ADGRB3: variants seen among roughly 807,000 people sequenced by gnomAD.
ADGRB3 encodes brain-specific angiogenesis inhibitor 3.
In ADGRB3, 37 loss-of-function variants were observed where a neutral mutation model predicts 193.4. That is an observed-to-expected ratio of 0.19 (90% CI 0.15 to 0.25). The LOEUF (loss-of-function observed/expected upper bound fraction) is 0.25. Among genes scored for constraint, ADGRB3 ranks in the 10% least tolerant of loss-of-function variants. The pLI, the probability that ADGRB3 is intolerant of heterozygous loss-of-function variation, is 1.00. For synonymous variants in ADGRB3, 690 were observed against 644.2 expected, an observed-to-expected ratio of 1.07 and a Z score of -1.08; for missense variants, 1,637 against 1,852.9, an observed-to-expected ratio of 0.88 and a Z score of 2.14.
chr6:69,348,563 T>C (rs1313386513), intron 26 of ADGRB3, among the ~76,000 whole-genome samples: 1 of 150,982 alleles, frequency 6.6e-6, no homozygotes, highest in African/African-American at 2.4e-5. Flanking sequence ...CTCATGAGGC[T>C]GTGGCAGAGA....
At position 69,219,487 on chromosome 6, in the gene ADGRB3, A is replaced by ATATATATATATG. The variant is rs1455210313; in HGVS notation, c.2481-13797_2481-13796insTATATGTATATA. Among the ~76,000 whole-genome samples the ATATATATATATG allele has an allele frequency of 2.8e-3, 396 of 140,520 alleles. 3 individuals are homozygous for ATATATATATATG. The highest frequency in any genetic ancestry group is 4.6e-3 in the Non-Finnish European group (297 of 64,006). The allele number at this position is 140,520 out of a possible 152,430, so 92.2% of individuals were successfully genotyped here. A position where few individuals can be genotyped will look rare whatever the true frequency, so the allele number is the denominator to read the frequency against. On this transcript the variant is annotated intron_variant, in intron 17 of 31. Transcript: ENST00000370598. ...TATATATATATATATATATATATATATATATACGTGTGTGTGTATATAGGT... is the reference window on the plus strand; with the variant it reads ...TATATATATATATATATATATATATATATATATATATGTATATACGTGTGTGTGTATATAGGT...
chr6:69,042,914 C>T (rs1771113812), intron 13 of ADGRB3, among the ~76,000 whole-genome samples: 1 of 152,116 alleles, frequency 6.6e-6, no homozygotes, highest in Admixed American at 6.5e-5. Context: ...TTTTGTATCC[C>T]CTTCAACATT....
intron 3 of ADGRB3, among the ~76,000 whole-genome samples, chr6:68,729,985 G>GAA (rs1385556366): frequency 5.3e-5 from 8 of 151,380 alleles, no homozygotes; most frequent in African/African-American, 1.9e-4. Context: ...AAGGATGCTT[G>GAA]AAAAAAATAG....
intron 17 of ADGRB3, among the ~76,000 whole-genome samples, chr6:69,215,291 G>A (rs1275913609): frequency 6.6e-6 from 1 of 152,124 alleles, no homozygotes; most frequent in Non-Finnish European, 1.5e-5. Context: ...CATAGAAGAA[G>A]AGCTGAGTGA....
At chr6:69,066,197 T>C (rs961199723) in intron 16 of ADGRB3, among the ~76,000 whole-genome samples, 1 of 151,300 alleles carries the variant, frequency 6.6e-6, no homozygotes, top group African/African-American at 2.4e-5. Flanking sequence ...TATATAGTTA[T>C]ATATATGCAT....
At chr6:69,096,221 G>T (rs1213450968) in intron 17 of ADGRB3, among the ~76,000 whole-genome samples, 1 of 151,972 alleles carries the variant, frequency 6.6e-6, no homozygotes, top group African/African-American at 2.4e-5. Context: ...ATATTCAAAG[G>T]TTTAAAATTT....
intron 3 of ADGRB3, among the ~76,000 whole-genome samples, chr6:68,788,922 C>G (rs1428158889): frequency 7.9e-5 from 12 of 152,140 alleles, no homozygotes; most frequent in Admixed American, 7.2e-4. Flanking sequence ...CCTTCTTTGT[C>G]TCTTTTGAAC....
Position 68,772,853 on chromosome 6 carries a change from A to G in ADGRB3, c.757+133421A>G, listed in dbSNP as rs557663919. On this transcript the variant is annotated intron_variant, in intron 3 of 31. Transcript: ENST00000370598. The stretch of plus-strand genomic sequence containing the variant: ...GGCAACATGGTGAAAACCTATTTCT[A>G]AAAACAAACAAACAAACAAACAAAC... Among the ~76,000 whole-genome samples the G allele has an allele frequency of 4.4e-3, 312 of 71,636 alleles. 5 individuals carry two copies. Among genetic ancestry groups the G allele is most frequent in the African/African-American group, 0.016 (308 of 18,900 alleles). 47.0% of individuals were successfully genotyped at this position (71,636 alleles called of 152,430 possible). A position where few individuals can be genotyped will look rare whatever the true frequency, so the allele number is the denominator to read the frequency against.
At chr6:68,752,782 G>C (rs1388581176) in intron 3 of ADGRB3, among the ~76,000 whole-genome samples, 1 of 152,072 alleles carries the variant, frequency 6.6e-6, no homozygotes, top group Non-Finnish European at 1.5e-5. Flanking sequence ...TTACATATTT[G>C]GTTAAATGTT....
intron 17 of ADGRB3, among the ~76,000 whole-genome samples, chr6:69,089,518 T>C (rs984643529): frequency 1.2e-4 from 19 of 152,330 alleles, no homozygotes; most frequent in Non-Finnish European, 2.1e-4. Context: ...TAGGGTTAAG[T>C]AAATTATTGA....
chr6:69,096,111 A>T (rs1464208982), intron 17 of ADGRB3, among the ~76,000 whole-genome samples: 1 of 152,210 alleles, frequency 6.6e-6, no homozygotes, highest in Admixed American at 6.5e-5. Context: ...GGAACTTTGA[A>T]AATAATTCAG....
chr6:68,901,293 C>A lies in ADGRB3; in HGVS notation c.758-29266C>A, dbSNP rs188653199. 7.6e-3 allele frequency among the ~76,000 whole-genome samples: 1,154 copies of A among 152,230 alleles called. 14 individuals are homozygous for A. Among genetic ancestry groups the A allele is most frequent in the Middle Eastern group, 0.014 (4 of 294 alleles). On this transcript the variant is annotated intron_variant, in intron 3 of 31. Transcript: ENST00000370598. ...CCAGGCACACTCATGTTGTTATATG[C>A]AGGCCCTGGCTCCTTGCAACATGGG...
At chr6:69,154,154 A>G (rs1774764664) in intron 17 of ADGRB3, among the ~76,000 whole-genome samples, 1 of 14,318 alleles carries the variant, frequency 7.0e-5, no homozygotes, top group South Asian at 0.17. Flanking sequence ...TCCTCTGCCC[A>G]CAATTTCAGC....
rs920753602 is a variant in ADGRB3 at position 69,360,345 on chromosome 6, C to T, written c.3596-524C>T. Among the ~76,000 whole-genome samples, 4 of 151,948 alleles carry T rather than the reference C, an allele frequency of 2.6e-5. No individual in the cohort carries two copies. In the Admixed American group the frequency reaches 2.6e-4, roughly 10 times the overall value. ...CAGTGAAAAAATCCTCATTAATTTT[C>T]AATATGCATAATTTTTGGAGGGATT... On this transcript the variant is annotated intron_variant, in intron 28 of 31. Coordinates refer to ENST00000370598, the MANE Select transcript of ADGRB3 (RefSeq NM_001704.3).
chr6:68,895,739 T>G (rs1398428435), intron 3 of ADGRB3, among the ~76,000 whole-genome samples: 1 of 151,906 alleles, frequency 6.6e-6, no homozygotes, highest in Non-Finnish European at 1.5e-5. Flanking sequence ...TTATAGCAGA[T>G]CAATAAATGC....
chr6:69,270,994 TCTC>T (rs1767163607), intron 20 of ADGRB3, among the ~76,000 whole-genome samples: 2 of 152,266 alleles, frequency 1.3e-5, no homozygotes, highest in African/African-American at 4.8e-5. Context: ...TGGACAATAT[TCTC>T]CTTTAAATGC....
intron 3 of ADGRB3, among the ~76,000 whole-genome samples, chr6:68,768,075 T>G (rs1766545622): frequency 6.6e-6 from 1 of 152,186 alleles, no homozygotes; most frequent in African/African-American, 2.4e-5. Flanking sequence ...TCTATTCTCA[T>G]GCATAGGAAG....
At chr6:68,878,226 T>G (rs1765643775) in intron 3 of ADGRB3, among the ~76,000 whole-genome samples, 1 of 152,110 alleles carries the variant, frequency 6.6e-6, no homozygotes, top group Non-Finnish European at 1.5e-5. Context: ...TATCCTGATT[T>G]CAGTTCAGAG....
intron 3 of ADGRB3, among the ~76,000 whole-genome samples, chr6:68,838,120 A>G (rs544495): frequency 0.87 from 132,911 of 152,204 alleles, 58,301 homozygotes; most frequent in Middle Eastern, 0.95. Context: ...GAACTCTGCC[A>G]ACTGCTACCA....
Sources: gnomAD v4.1 joint callset for allele counts (sites outside exome capture counted in the v4.1 genomes callset) on GRCh38, gnomAD v4.1.1 for gene constraint, MANE v1.5 for transcripts, NCBI Gene and HGNC (gene_info 2026-07-23, HGNC 2026-07-21) for gene names.